The following GSN variants were observed in gnomAD, a reference collection of about 807,000 sequenced individuals.
GSN encodes actin-depolymerizing factor.
A neutral mutation model predicts 85.7 loss-of-function variants in GSN; 56 were observed. That is an observed-to-expected ratio of 0.65 (90% CI 0.53 to 0.82). The LOEUF (loss-of-function observed/expected upper bound fraction) is 0.82. Ranked by LOEUF, GSN falls within the 40% of genes least tolerant of loss-of-function variation. The pLI is 0.00. For synonymous variants in GSN, 373 were observed against 399.1 expected, an observed-to-expected ratio of 0.93 and a Z score of 0.78; for missense variants, 857 against 979.8, an observed-to-expected ratio of 0.87 and a Z score of 1.67.
chr9:121,278,490 G>A (rs1162659923), intron 1 of GSN, among the ~76,000 whole-genome samples: 1 of 152,176 alleles, frequency 6.6e-6, no homozygotes, highest in African/African-American at 2.4e-5. Context: ...CTCCTTTTTA[G>A]CCAGCTAGAC....
intron 11 of GSN, among the ~76,000 whole-genome samples, chr9:121,322,833 ATT>A (rs35596351): frequency 2.1e-5 from 3 of 143,868 alleles, no homozygotes; most frequent in Non-Finnish European, 1.5e-5. Flanking sequence ...TGACTGTTGG[ATT>A]TTTTTTTTTT....
rs182048348 is a variant in GSN at position 121,277,618 on chromosome 9, C to T, written c.-102-3852C>T. On this transcript the variant is annotated intron_variant, in intron 1 of 17. Coordinates refer to ENST00000432226, the MANE Select transcript of GSN (RefSeq NM_198252.3). ...CATCTGACTTATCTGTCTATTTTAT[C>T]TGCAGCTATGAGTTTCTAGAATCTG... Among the ~76,000 whole-genome samples the T allele has an allele frequency of 1.6e-3, 239 of 150,760 alleles. 1 individual carries two copies. The highest frequency in any genetic ancestry group is 5.3e-3 in the African/African-American group (218 of 41,214).
intron 6 of GSN, among the ~76,000 whole-genome samples, chr9:121,251,850 A>AC (rs1414283088): frequency 1.3e-5 from 2 of 152,068 alleles, no homozygotes; most frequent in African/African-American, 2.4e-5. Context: ...AATCCCAGCT[A>AC]CTCAGGAGGC....
At chr9:121,234,720 A>T (rs2054459532) in intron 5 of GSN, among the ~76,000 whole-genome samples, 1 of 152,226 alleles carries the variant, frequency 6.6e-6, no homozygotes, top group Non-Finnish European at 1.5e-5. Context: ...ATGGTGCCTC[A>T]TACCTGTAAT....
chr9:121,276,077 T>A (rs1456509869), intron 1 of GSN, among the ~76,000 whole-genome samples: 1 of 152,226 alleles, frequency 6.6e-6, no homozygotes, highest in Non-Finnish European at 1.5e-5. Flanking sequence ...GGAATTCGTG[T>A]GCGAATTCAA....
At chr9:121,262,536 A>G (rs2055109280) in intron 6 of GSN, among the ~76,000 whole-genome samples, 1 of 152,216 alleles carries the variant, frequency 6.6e-6, no homozygotes, top group Non-Finnish European at 1.5e-5. Context: ...CTGTGGAGGA[A>G]GAACCTCCAG....
intron 5 of GSN, among the ~76,000 whole-genome samples, chr9:121,245,637 A>G (rs2054684622): frequency 6.6e-6 from 1 of 152,268 alleles, no homozygotes; most frequent in South Asian, 2.1e-4. Flanking sequence ...TTGGGATTAT[A>G]GGCATGAACC....
intron 6 of GSN, 189 bp from the exon 7 acceptor site, chr9:121,313,745 G>C (rs1208555220): frequency 3.2e-6 from 2 of 632,588 alleles, no homozygotes; most frequent in African/African-American, 3.6e-5. Context: ...AGGGAGACAA[G>C]GTGGAAGGGA....
chr9:121,245,994 A>C (rs2054691641), intron 5 of GSN, among the ~76,000 whole-genome samples: 1 of 152,258 alleles, frequency 6.6e-6, no homozygotes, highest in Non-Finnish European at 1.5e-5. Flanking sequence ...AATGATTGTC[A>C]ATATGTTAAA....
At chr9:121,264,614 C>T (rs1239842461), upstream of GSN, among the ~76,000 whole-genome samples, 1 of 152,228 alleles carries the variant, frequency 6.6e-6, no homozygotes, top group Non-Finnish European at 1.5e-5. Flanking sequence ...CTGTCTTTCT[C>T]TGACCTCCAC....
chr9:121,218,904 A>G (rs1053546305), intron 4 of GSN, among the ~76,000 whole-genome samples: 1 of 152,224 alleles, frequency 6.6e-6, no homozygotes, highest in Non-Finnish European at 1.5e-5. Flanking sequence ...GGTACTGGCA[A>G]CTTTCACAAG....
At chr9:121,204,957 G>A (rs2053858693), upstream of GSN, among the ~76,000 whole-genome samples, 1 of 152,222 alleles carries the variant, frequency 6.6e-6, no homozygotes, top group Non-Finnish European at 1.5e-5. Context: ...GACATTGAGA[G>A]GGGTTTATTC....
chr9:121,259,356 G>A lies in GSN; in HGVS notation c.-340-5798G>A, dbSNP rs1315691966. Among the ~76,000 whole-genome samples, 6 of 152,354 alleles carry A rather than the reference G, an allele frequency of 3.9e-5. No individual in the cohort carries two copies. In the East Asian group the frequency reaches 1.2e-3, roughly 29 times the overall value. On this transcript the variant is annotated intron_variant, in intron 6 of 24. Coordinates refer to the GSN transcript ENST00000373823. ...GATGGAGGCATGTGCAAGGAACTGTGAAACCACGGAGGGGCTGCTAATGTA... is the reference window on the plus strand; with the variant it reads ...GATGGAGGCATGTGCAAGGAACTGTAAAACCACGGAGGGGCTGCTAATGTA...
chr9:121,215,225 C>G (rs376867848), intron 4 of GSN, among the ~76,000 whole-genome samples: 36 of 149,684 alleles, frequency 2.4e-4, no homozygotes, highest in Admixed American at 2.2e-3. Flanking sequence ...ACCCCCCCCC[C>G]CACACTCATA....
Position 121,332,775 on chromosome 9 carries a change from T to G in GSN, c.*172T>G. The G allele has an allele frequency of 1.7e-6, 1 of 599,670 alleles. No homozygotes were observed. 37.1% of individuals were successfully genotyped at this position (599,670 alleles called of 1,614,324 possible). A position where few individuals can be genotyped will look rare whatever the true frequency, so the allele number is the denominator to read the frequency against. ...AAAATAGCCCTGCAAAAATTCAGAG[T>G]CCTTGCAAAATTGTCTAAAATGTCA... On this transcript the variant is annotated 3_prime_UTR_variant, in exon 18 of 18. Coordinates refer to ENST00000432226, the MANE Select transcript of GSN (RefSeq NM_198252.3). This position sits in a 1 kb window ranked among gnomAD's most constrained non-coding sequence, Gnocchi z 4.8.
intron 4 of GSN, among the ~76,000 whole-genome samples, chr9:121,219,922 C>T (rs1236417440): frequency 6.6e-6 from 1 of 151,322 alleles, no homozygotes; most frequent in Admixed American, 6.6e-5. Context: ...CTCTTTGTTG[C>T]CCAGGCTGGA....
rs370368742 is a variant in GSN, at chr9:121,302,070, C to T, written c.99C>T (p.Asn33=). 1.2e-6 allele frequency: 2 copies of T among 1,614,246 alleles called. No homozygotes were observed. Among genetic ancestry groups the T allele is most frequent in the African/African-American group, 1.3e-5 (1 of 75,076 alleles). The change falls in exon 3 of 18, where the codon AAC becomes AAT. Residue 33 remains asparagine (N), a synonymous_variant. Coordinates refer to ENST00000432226, the MANE Select transcript of GSN (RefSeq NM_198252.3). Reference sequence around the variant, plus strand: ...TCGATCTGGTGCCCGTGCCCACCAACCTTTATGGAGACTTCTTCACGGGCG... The same window carrying T: ...TCGATCTGGTGCCCGTGCCCACCAATCTTTATGGAGACTTCTTCACGGGCG... The part of the protein sequence containing the change: ...EKFDLVPVPT[N]LYGDFFTGDA...
chr9:121,239,771 G>A (rs955670244), intron 5 of GSN: 3 of 263,916 alleles, frequency 1.1e-5, no homozygotes, highest in African/African-American at 4.6e-5. Flanking sequence ...ACTGATGTTT[G>A]GAGAATATCC....
chr9:121,322,357 T>C (rs1408895761), intron 11 of GSN, among the ~76,000 whole-genome samples: 1 of 152,262 alleles, frequency 6.6e-6, no homozygotes, highest in Non-Finnish European at 1.5e-5. Flanking sequence ...TGTCAGTACA[T>C]AGAGACAGAG....
Sources: gnomAD v4.1 joint callset for allele counts (sites outside exome capture counted in the v4.1 genomes callset) on GRCh38, gnomAD v4.1.1 for gene constraint, Gnocchi (gnomAD v3.1) non-coding constraint, MANE v1.5 for transcripts, NCBI Gene and HGNC (gene_info 2026-07-23, HGNC 2026-07-21) for gene names.